Variants in ACO2 observed in about 807,000 individuals in gnomAD.
The protein encoded by ACO2 is aconitase 2.
Under a neutral mutation model 84.5 loss-of-function variants are expected in ACO2, and 31 were observed. The ratio of observed to expected loss-of-function variants is 0.37; its 90% CI spans 0.28 to 0.50. The LOEUF is 0.50. Ranked by LOEUF, ACO2 falls within the 20% of genes least tolerant of loss-of-function variation. ACO2 has a pLI of 0.97. For synonymous variants in ACO2, 414 were observed against 412.7 expected (o/e 1.00, Z -0.04); for missense variants, 685 against 1,029.3 (o/e 0.67, Z 4.58).
At chr22:41,520,142 T>C in intron 8 of ACO2, 29 bp from the exon 9 acceptor site, 1 of 1,592,556 alleles carries the variant, frequency 6.3e-7, no homozygotes, top group South Asian at 1.1e-5. Flanking sequence ...CCTCCTCTCT[T>C]TCTTCTCCTT....
chr22:41,507,770 C>T, intron 2 of ACO2, 21 bp from the exon 3 acceptor site: 1 of 1,606,824 alleles, frequency 6.2e-7, no homozygotes, highest in Non-Finnish European at 8.5e-7. Flanking sequence ...CCAGGCCACC[C>T]TTCTGCTCTT....
At chr22:41,470,788 C>G (rs2037937311) in intron 1 of ACO2, among the ~76,000 whole-genome samples, 1 of 152,086 alleles carries the variant, frequency 6.6e-6, no homozygotes, top group South Asian at 2.1e-4. Flanking sequence ...AGTAATCGGC[C>G]TGCCTTGGCC....
intron 2 of ACO2, among the ~76,000 whole-genome samples, chr22:41,505,810 GGTCA>G (rs1289138039): frequency 6.6e-6 from 1 of 152,158 alleles, no homozygotes; most frequent in Non-Finnish European, 1.5e-5. Context: ...AAGGAGAGAT[GGTCA>G]GTATCTTGAT....
intron 1 of ACO2, among the ~76,000 whole-genome samples, chr22:41,498,589 G>A (rs1017975268): frequency 2.6e-5 from 4 of 152,136 alleles, no homozygotes; most frequent in Non-Finnish European, 5.9e-5. Flanking sequence ...ACCTGGCAAG[G>A]TGGTGCTGGT....
intron 1 of ACO2, among the ~76,000 whole-genome samples, chr22:41,484,821 G>A (rs900932421): frequency 2.0e-5 from 3 of 150,344 alleles, no homozygotes; most frequent in East Asian, 1.9e-4. Context: ...GGGGTGAAAT[G>A]TGCTTGTCAT....
intron 4 of ACO2, chr22:41,512,254 A>C: frequency 2.8e-6 from 1 of 361,862 alleles, no homozygotes; most frequent in Non-Finnish European, 5.0e-6. Context: ...GTGTGTACTC[A>C]AGCATCTCTA....
intron 2 of ACO2, among the ~76,000 whole-genome samples, chr22:41,504,192 A>G (rs2066374953): frequency 6.6e-6 from 1 of 152,202 alleles, no homozygotes; most frequent in African/African-American, 2.4e-5. Context: ...CTCCAGCCAG[A>G]GTGGTGTCTC....
chr22:41,523,048 G>C, intron 10 of ACO2, 61 bp downstream of exon 10: 1 of 1,598,248 alleles, frequency 6.3e-7, no homozygotes, highest in South Asian at 1.1e-5. Context: ...GCCTCCAGGC[G>C]GCACAAGCCC....
chr22:41,503,677 G>C (rs533167903), intron 2 of ACO2, among the ~76,000 whole-genome samples: 1 of 152,186 alleles, frequency 6.6e-6, no homozygotes, highest in South Asian at 2.1e-4. Context: ...ACAAGGTGGG[G>C]GGTGGTCAGT....
At chr22:41,478,878 C>A (rs1376863967) in intron 1 of ACO2, among the ~76,000 whole-genome samples, 2 of 150,368 alleles carry the variant, frequency 1.3e-5, no homozygotes, top group Non-Finnish European at 2.9e-5. Context: ...TCAAGCAATT[C>A]TCCTGCCTCA....
In ACO2 at chr22:41,523,947, A is replaced by G; in HGVS notation, c.1482+6A>G. 2 of 1,612,846 alleles carry G rather than the reference A, an allele frequency of 1.2e-6. No individual in the cohort carries two copies. The highest frequency in any genetic ancestry group is 1.7e-6 in the Non-Finnish European group (2 of 1,179,520). Reference sequence around the variant, plus strand: ...CCTTTGTCACGTCCCCAGAGGTGAGACTGCCCAGCTGCGCACAAGCCTGGG... The same window carrying G: ...CCTTTGTCACGTCCCCAGAGGTGAGGCTGCCCAGCTGCGCACAAGCCTGGG... On this transcript the variant is annotated splice_donor_region_variant and intron_variant, in intron 12 of 17. Transcript: ENST00000216254.
At chr22:41,523,808 C>T (rs1190277919) in intron 11 of ACO2, 22 bp from the exon 12 acceptor site, 2 of 1,601,510 alleles carry the variant, frequency 1.2e-6, no homozygotes, top group Non-Finnish European at 1.7e-6. Flanking sequence ...TATCCCTAAC[C>T]CTGATCCCTC....
chr22:41,497,450 T>C (rs2066322529), intron 1 of ACO2, among the ~76,000 whole-genome samples: 1 of 152,130 alleles, frequency 6.6e-6, no homozygotes. Context: ...AGTTTAAGAT[T>C]AACTAATACA....
At chr22:41,469,941 T>C (rs1473292268) in intron 1 of ACO2, among the ~76,000 whole-genome samples, 3 of 152,198 alleles carry the variant, frequency 2.0e-5, no homozygotes, top group Non-Finnish European at 4.4e-5. Context: ...CACTCAGTTC[T>C]TGTTTATGTC....
At chr22:41,493,383 A>T (rs1043382557) in intron 1 of ACO2, among the ~76,000 whole-genome samples, 1 of 152,132 alleles carries the variant, frequency 6.6e-6, no homozygotes, top group Non-Finnish European at 1.5e-5. Flanking sequence ...CAGGGTAAGC[A>T]TGTTGATATG....
intron 1 of ACO2, among the ~76,000 whole-genome samples, chr22:41,483,702 A>C (rs952463275): frequency 1.3e-5 from 2 of 151,932 alleles, no homozygotes; most frequent in East Asian, 3.9e-4. Context: ...AGGCATCATC[A>C]TCATCCTTCC....
chr22:41,510,607 G>GT (rs2066426502), intron 3 of ACO2, among the ~76,000 whole-genome samples: 2 of 152,166 alleles, frequency 1.3e-5, no homozygotes, highest in African/African-American at 4.8e-5. Flanking sequence ...CCGGAGGCTG[G>GT]CAGGTCCCAT....
chr22:41,511,069 G>T (rs1455855043), intron 3 of ACO2, among the ~76,000 whole-genome samples: 1 of 152,186 alleles, frequency 6.6e-6, no homozygotes, highest in Non-Finnish European at 1.5e-5. Context: ...GTAGTGGTGC[G>T]ATCTCGGCTC....
chr22:41,489,605 T>C (rs981413124), intron 1 of ACO2, among the ~76,000 whole-genome samples: 1 of 152,174 alleles, frequency 6.6e-6, no homozygotes, highest in Admixed American at 6.5e-5. Flanking sequence ...TGTTCTTTTT[T>C]CCTCCTGCAT....
Sources: allele counts gnomAD v4.1 joint callset (sites outside exome capture counted in the v4.1 genomes callset), GRCh38; gene constraint gnomAD v4.1.1; transcripts MANE v1.5; gene names NCBI Gene and HGNC (gene_info 2026-07-23, HGNC 2026-07-21).